The following PSD variants were observed in gnomAD, a reference collection of about 807,000 sequenced individuals.
PSD encodes PH and SEC7 domain-containing protein 1.
Under a neutral mutation model 91.6 loss-of-function variants are expected in PSD, and 32 were observed. The observed-to-expected ratio is 0.35, with a 90% confidence interval of 0.26 to 0.47. The LOEUF (loss-of-function observed/expected upper bound fraction) is 0.47, where lower values mean the gene tolerates loss of function less well. Among genes scored for constraint, PSD ranks in the 20% least tolerant of loss-of-function variants. The pLI is 1.00. For missense variants in PSD, 1,099 were observed against 1,373.9 expected (o/e 0.80, Z 3.16); for synonymous variants, 532 against 569.3 (o/e 0.93, Z 0.93).
rs576265565 is a variant in PSD, at chr10:102,404,250, G to C, written c.2701-265C>G. On this transcript the variant is annotated intron_variant, in intron 15 of 16. Transcript: ENST00000020673. This position sits in a 1 kb window ranked among gnomAD's most constrained non-coding sequence, Gnocchi z 5.7. ...GTAGTCCCAGCTACTCAGGAGGCTGGGGCAGGAGAACGGCGTGAACCCGGG... is the reference window on the plus strand; with the variant it reads ...GTAGTCCCAGCTACTCAGGAGGCTGCGGCAGGAGAACGGCGTGAACCCGGG... 6.6e-6 allele frequency among the ~76,000 whole-genome samples: 1 copy of C among 151,912 alleles called. No homozygotes were observed. Among genetic ancestry groups the C allele is most frequent in the Non-Finnish European group, 1.5e-5 (1 of 67,938 alleles).
chr10:102,412,071 G>T (rs2061430871), intron 7 of PSD, 76 bp downstream of exon 7: 1 of 1,434,162 alleles, frequency 7.0e-7, no homozygotes, highest in African/African-American at 1.4e-5. Flanking sequence ...GGACAGAGGG[G>T]CTCAAAGGAG....
rs2061403576 is a variant in PSD, at chr10:102,409,502, C to T, written c.2091+1356G>A. On this transcript the variant is annotated intron_variant, in intron 10 of 16. Transcript: ENST00000020673. This position sits in a 1 kb window ranked among gnomAD's most constrained non-coding sequence, Gnocchi z 5.7. ...GGCGGACCCGGCAGGGTCTGGAACT[C>T]CCTTCTGGCTGGTCTGGGTTGGGGT... Among the ~76,000 whole-genome samples, 2 of 152,114 alleles carry T rather than the reference C, an allele frequency of 1.3e-5. No individual in the cohort carries two copies. Among genetic ancestry groups the T allele is most frequent in the South Asian group, 2.1e-4 (1 of 4,826 alleles).
chr10:102,407,207 C>A lies in PSD; in HGVS notation c.2135+16G>T. 2 of 1,601,074 alleles carry A rather than the reference C, an allele frequency of 1.2e-6. No homozygotes were observed. Among genetic ancestry groups the A allele is most frequent in the Non-Finnish European group, 1.7e-6 (2 of 1,174,134 alleles). The stretch of plus-strand genomic sequence containing the variant: ...CATGCCCCATCCTAGCCCCACCACG[C>A]AGCCCCGGGACTCACATGGCCCACT... On this transcript the variant is annotated intron_variant, in intron 11 of 16. Transcript: ENST00000020673.
Position 102,417,067 on chromosome 10 carries a change from C to A in PSD, c.-29G>T, listed in dbSNP as rs766064916. 9.5e-6 allele frequency: 13 copies of A among 1,364,238 alleles called. No homozygotes were observed. The South Asian group carries it at 1.4e-4, about 14-fold the overall frequency. The allele number at this position is 1,364,238 out of a possible 1,614,324, so 84.5% of individuals were successfully genotyped here. ...GGGGCCGGGGGTCAGGCTGGGGGGG[C>A]AGGGATGGCGAGGCCAGGCGGGGAG... On this transcript the variant is annotated 5_prime_UTR_variant, in exon 2 of 17. Coordinates refer to ENST00000020673, the MANE Select transcript of PSD (RefSeq NM_002779.5).
chr10:102,405,210 G>A lies in PSD; in HGVS notation c.2370C>T (p.Leu790=), dbSNP rs1042253261. The A allele has an allele frequency of 1.2e-6, 2 of 1,611,054 alleles. No individual in the cohort carries two copies. Among genetic ancestry groups the A allele is most frequent in the African/African-American group, 1.3e-5 (1 of 74,982 alleles). The stretch of plus-strand genomic sequence containing the variant: ...TCTGCAGGTAGAGGATCATGCCCTT[G>A]AGGATCCCGTGGAAGCTCTTCCAGC... ...KRGWKSFHGI[L]KGMILYLQKE... The change falls in exon 13 of 17, where the codon CTC becomes CTT. Residue 790 remains leucine, a synonymous_variant. Transcript: ENST00000020673. This position sits in a 1 kb window ranked among gnomAD's most constrained non-coding sequence, Gnocchi z 5.4.
chr10:102,411,566 A>C (rs2061425033), intron 8 of PSD, 141 bp downstream of exon 8: 1 of 689,636 alleles, frequency 1.5e-6, no homozygotes, highest in African/African-American at 1.8e-5. Flanking sequence ...CTGTCTGCAC[A>C]CATGCAAGTT....
At chr10:102,411,010 C>G in intron 9 of PSD, 48 bp downstream of exon 9, 1 of 1,613,558 alleles carries the variant, frequency 6.2e-7, no homozygotes, top group Non-Finnish European at 8.5e-7. Flanking sequence ...TCCTGCATGT[C>G]TGGCCAGGGG....
At position 102,412,153 on chromosome 10, in the gene PSD, GC is replaced by G; in HGVS notation, c.1822del (p.Ala608LeufsTer6). 1 of 1,614,042 alleles carries G rather than the reference GC, an allele frequency of 6.2e-7. No homozygotes were observed. Among genetic ancestry groups the G allele is most frequent in the Non-Finnish European group, 8.5e-7 (1 of 1,179,942 alleles). Reference sequence around the variant, plus strand: ...CCAAGGGGTCAACACCCACCTGAGAGCTTGGTCCAGAGTCATGCCCGTGAAG... The same window carrying G: ...CCAAGGGGTCAACACCCACCTGAGAGTTGGTCCAGAGTCATGCCCGTGAAG... ...FVFTGMTLDQ[A>X]LRVFLKELAL... On this transcript the variant is annotated frameshift_variant, in exon 7 of 17. Coordinates refer to ENST00000020673, the MANE Select transcript of PSD (RefSeq NM_002779.5). LOFTEE classifies it high-confidence loss of function.
rs942141128 is a variant in PSD, at chr10:102,403,618, C to G, written c.2845-188G>C. On this transcript the variant is annotated intron_variant, in intron 16 of 16. Transcript: ENST00000020673. The surrounding 1 kb of genome is among the most constrained non-coding windows in gnomAD (Gnocchi z 6.7). ...GACCATCATCTATAACCTAATGTGT[C>G]TTGAGCCTTTACTAGAGCTGGGGAA... Among the ~76,000 whole-genome samples, 2 of 152,190 alleles carry G rather than the reference C, an allele frequency of 1.3e-5. No individual in the cohort carries two copies. The highest frequency in any genetic ancestry group is 2.9e-5 in the Non-Finnish European group (2 of 68,038).
At position 102,403,853 on chromosome 10, in the gene PSD, G is replaced by C; in HGVS notation, c.2833C>G (p.Leu945Val). The C allele has an allele frequency of 6.2e-7, 1 of 1,611,862 alleles. No individual in the cohort carries two copies. The highest frequency in any genetic ancestry group is 1.7e-5 in the Admixed American group (1 of 59,780). ...ACAGGGAGGCTCACCTCAAACTCCAGGTAGGCCTCCTTCTGCCGCTGCTCT... is the reference window on the plus strand; with the variant it reads ...ACAGGGAGGCTCACCTCAAACTCCACGTAGGCCTCCTTCTGCCGCTGCTCT... ...AEEQRQKEAY[L>V]EFEKSRYSTY... Residue 945 changes from leucine to valine, a missense_variant, in exon 16 of 17, where the codon CTG becomes GTG. By Grantham distance (32) the Leu-to-Val change is conservative (BLOSUM62 1). This residue lies in a region of PSD where 358 missense variants were observed against 426.5 expected (regional missense o/e 0.84). Coordinates refer to ENST00000020673, the MANE Select transcript of PSD (RefSeq NM_002779.5). This position sits in a 1 kb window ranked among gnomAD's most constrained non-coding sequence, Gnocchi z 6.7.
intron 10 of PSD, chr10:102,408,769 T>G (rs1367215067): frequency 2.2e-6 from 1 of 460,228 alleles, no homozygotes. Flanking sequence ...TGCCCGCCTC[T>G]GGCTGCCCAT....
upstream of PSD, chr10:102,419,167 C>A (rs1040618001): frequency 9.2e-6 from 2 of 216,254 alleles, no homozygotes; most frequent in African/African-American, 4.6e-5. This position sits in a 1 kb window ranked among gnomAD's most constrained non-coding sequence, Gnocchi z 4.8. Flanking sequence ...CCCGCCCCCA[C>A]GAGCACGCGG....
intron 1 of PSD, among the ~76,000 whole-genome samples, chr10:102,418,474 CTCT>C (rs1348660665): frequency 1.3e-5 from 2 of 152,108 alleles, no homozygotes; most frequent in African/African-American, 2.4e-5. Flanking sequence ...CTACTGGGGT[CTCT>C]TGAGGGGAAT....
At position 102,403,439 on chromosome 10, in the gene PSD, G is replaced by T; in HGVS notation, c.2845-9C>A. 2 of 1,598,620 alleles carry T rather than the reference G, an allele frequency of 1.3e-6. No homozygotes were observed. The highest frequency in any genetic ancestry group is 1.7e-6 in the Non-Finnish European group (2 of 1,173,886). ...GTGCTGTAGCGGGATTTCTGAGGCA[G>T]AGGGGCAGGGGCTGTGAGAGCCTCT... On this transcript the variant is annotated splice_polypyrimidine_tract_variant and intron_variant, in intron 16 of 16. Coordinates refer to ENST00000020673, the MANE Select transcript of PSD (RefSeq NM_002779.5). This position sits in a 1 kb window ranked among gnomAD's most constrained non-coding sequence, Gnocchi z 6.7.
chr10:102,409,168 C>G lies in PSD; in HGVS notation c.2091+1690G>C. The G allele has an allele frequency of 1.0e-6, 1 of 980,756 alleles. No individual in the cohort carries two copies. The highest frequency in any genetic ancestry group is 4.7e-5 in the South Asian group (1 of 21,332). The allele number at this position is 980,756 out of a possible 1,614,324, so 60.8% of individuals were successfully genotyped here. A position where few individuals can be genotyped will look rare whatever the true frequency, so the allele number is the denominator to read the frequency against. On this transcript the variant is annotated intron_variant, in intron 10 of 16. Coordinates refer to ENST00000020673, the MANE Select transcript of PSD (RefSeq NM_002779.5). This position sits in a 1 kb window ranked among gnomAD's most constrained non-coding sequence, Gnocchi z 5.7. ...CGGCCCCCGGGCCGCCCGGACGGCC[C>G]GCGGACCGCTCCCCCGACAGCCAGC...
In PSD at chr10:102,405,158, C is replaced by T. The variant is rs372509786; in HGVS notation, c.2397+25G>A. On this transcript the variant is annotated intron_variant, in intron 13 of 16. Transcript: ENST00000020673. The surrounding 1 kb of genome is among the most constrained non-coding windows in gnomAD (Gnocchi z 5.4). The stretch of plus-strand genomic sequence containing the variant: ...CCCACCAGCCAACTCAGTCCCAGCC[C>T]CAGCCCCCTGGCCTGACCCCGCACC... 3.9e-5 allele frequency: 63 copies of T among 1,610,820 alleles called. No individual in the cohort carries two copies. The highest frequency in any genetic ancestry group is 5.0e-5 in the Admixed American group (3 of 59,978).
Position 102,403,846 on chromosome 10 carries a change from A to G in PSD, c.2840T>C (p.Phe947Ser). 6.2e-7 allele frequency: 1 copy of G among 1,611,720 alleles called. No individual in the cohort carries two copies. Among genetic ancestry groups the G allele is most frequent in the Non-Finnish European group, 8.5e-7 (1 of 1,178,842 alleles). The stretch of plus-strand genomic sequence containing the variant: ...GGGGCAGACAGGGAGGCTCACCTCA[A>G]ACTCCAGGTAGGCCTCCTTCTGCCG... ...EQRQKEAYLE[F>S]EKSRYSTYAA... The change falls in exon 16 of 17, where the codon TTT (phenylalanine) becomes TCT (serine). Residue 947 changes from phenylalanine (F) to serine (S), a missense_variant. By Grantham distance (155) the Phe-to-Ser change is radical. Transcript: ENST00000020673. The surrounding 1 kb of genome is among the most constrained non-coding windows in gnomAD (Gnocchi z 6.7).
chr10:102,404,522 AG>A lies in PSD; in HGVS notation c.2700+60del. 1 of 1,556,814 alleles carries A rather than the reference AG, an allele frequency of 6.4e-7. No homozygotes were observed. Among genetic ancestry groups the A allele is most frequent in the Non-Finnish European group, 8.7e-7 (1 of 1,148,816 alleles). ...GATCACACGCAGCAGCCTTGAGTGC[AG>A]TGGGCCTGAGCCTAACACCCTCCAT... On this transcript the variant is annotated intron_variant, in intron 15 of 16. Coordinates refer to ENST00000020673, the MANE Select transcript of PSD (RefSeq NM_002779.5). The surrounding 1 kb of genome is among the most constrained non-coding windows in gnomAD (Gnocchi z 5.7).
intron 1 of PSD, 117 bp from the exon 2 acceptor site, chr10:102,417,238 C>T: frequency 1.8e-6 from 1 of 563,036 alleles, no homozygotes; most frequent in South Asian, 2.2e-5. Context: ...CCTAGCACAC[C>T]CTGGTAATAT....
Sources: gnomAD v4.1 joint callset for allele counts (sites outside exome capture counted in the v4.1 genomes callset) on GRCh38, gnomAD v4.1.1 for gene constraint, gnomAD v4.1.1 regional missense constraint, Gnocchi (gnomAD v3.1) non-coding constraint, MANE v1.5 for transcripts, NCBI Gene and HGNC (gene_info 2026-07-23, HGNC 2026-07-21) for gene names.